Variants in CDKAL1 observed in about 807,000 individuals in gnomAD.
The protein encoded by CDKAL1 is threonylcarbamoyladenosine tRNA methylthiotransferase.
CDKAL1 carries 32 observed loss-of-function variants against 68.2 expected under a neutral mutation model. The ratio of observed to expected loss-of-function variants is 0.47; its 90% CI spans 0.35 to 0.63. The LOEUF is 0.63. Ranked by LOEUF, CDKAL1 falls within the 30% of genes least tolerant of loss-of-function variation. The pLI is 0.00. For synonymous variants in CDKAL1, 234 were observed against 244.3 expected (o/e 0.96, Z 0.39); for missense variants, 606 against 696.7 (o/e 0.87, Z 1.47).
chr6:21,188,248 T>G (rs1778093862), intron 13 of CDKAL1, among the ~76,000 whole-genome samples: 1 of 152,226 alleles, frequency 6.6e-6, no homozygotes, highest in African/African-American at 2.4e-5. Flanking sequence ...AACTTCTCAT[T>G]TATGGCAACA....
chr6:20,687,518 TTTTTC>T (rs1562026171), intron 5 of CDKAL1, among the ~76,000 whole-genome samples: 2 of 152,108 alleles, frequency 1.3e-5, no homozygotes, highest in Non-Finnish European at 2.9e-5. Flanking sequence ...TATCAATCTT[TTTTTC>T]TTTTCTTTGT....
intron 11 of CDKAL1, among the ~76,000 whole-genome samples, chr6:21,054,845 T>C (rs1166463875): frequency 6.6e-6 from 1 of 151,992 alleles, no homozygotes; most frequent in Non-Finnish European, 1.5e-5. Context: ...TCACTTATTC[T>C]AGTAGGCTCA....
At chr6:20,896,052 T>C (rs919231655) in intron 9 of CDKAL1, among the ~76,000 whole-genome samples, 1 of 151,854 alleles carries the variant, frequency 6.6e-6, no homozygotes, top group Non-Finnish European at 1.5e-5. Flanking sequence ...ATTGAAGAGA[T>C]TGGGATTGGA....
At chr6:20,571,482 A>G (rs1764699836) in intron 4 of CDKAL1, among the ~76,000 whole-genome samples, 1 of 152,146 alleles carries the variant, frequency 6.6e-6, no homozygotes, top group Non-Finnish European at 1.5e-5. Context: ...GAGGAAGTGA[A>G]GCAATGTGAA....
chr6:20,961,899 CT>C (rs1437905749), intron 10 of CDKAL1, among the ~76,000 whole-genome samples: 11 of 152,086 alleles, frequency 7.2e-5, no homozygotes, highest in Non-Finnish European at 1.5e-4. Flanking sequence ...ACATGTACCC[CT>C]GAGCCTAAAA....
intron 8 of CDKAL1, among the ~76,000 whole-genome samples, chr6:20,835,473 T>G (rs1777892619): frequency 7.0e-6 from 1 of 142,596 alleles, no homozygotes; most frequent in Admixed American, 7.1e-5. Context: ...TTGCTTTGCT[T>G]TGCTTTGTTT....
chr6:20,969,494 T>C (rs1195579888), intron 10 of CDKAL1, among the ~76,000 whole-genome samples: 1 of 152,198 alleles, frequency 6.6e-6, no homozygotes, highest in Non-Finnish European at 1.5e-5. Context: ...AGAATATCTA[T>C]GTATAAGTGA....
intron 4 of CDKAL1, among the ~76,000 whole-genome samples, chr6:20,646,992 G>A (rs1176788553): frequency 6.6e-6 from 1 of 151,970 alleles, no homozygotes; most frequent in African/African-American, 2.4e-5. Context: ...TGATCCACCC[G>A]CCTCGGCCTC....
intron 5 of CDKAL1, among the ~76,000 whole-genome samples, chr6:20,723,276 G>A (rs80348145): frequency 2.0e-5 from 3 of 149,344 alleles, no homozygotes; most frequent in South Asian, 2.1e-4. Context: ...GCTAACACAC[G>A]CTGTCTGCGG....
intron 15 of CDKAL1, among the ~76,000 whole-genome samples, chr6:21,222,579 A>G (rs1043808606): frequency 2.6e-5 from 4 of 152,226 alleles, no homozygotes; most frequent in Non-Finnish European, 4.4e-5. Context: ...GGGTACAGCT[A>G]CTTATATGAT....
chr6:21,093,020 A>T (rs1773124284), intron 12 of CDKAL1, among the ~76,000 whole-genome samples: 1 of 152,188 alleles, frequency 6.6e-6, no homozygotes, highest in South Asian at 2.1e-4. Flanking sequence ...AAATAATAGG[A>T]ATTCCAAAAC....
intron 5 of CDKAL1, among the ~76,000 whole-genome samples, chr6:20,700,550 A>G (rs939786201): frequency 6.6e-6 from 1 of 152,116 alleles, no homozygotes; most frequent in African/African-American, 2.4e-5. Flanking sequence ...AGAAACTAGA[A>G]CAGAAGTTGC....
intron 5 of CDKAL1, among the ~76,000 whole-genome samples, chr6:20,672,298 C>T (rs1769879429): frequency 9.0e-6 from 1 of 111,504 alleles, no homozygotes; most frequent in Admixed American, 8.3e-5. Context: ...CTCTCTCTCT[C>T]CCTCTCCCTC....
At position 20,548,682 on chromosome 6, in the gene CDKAL1, C is replaced by T. The variant is rs1763699809; in HGVS notation, c.263C>T (p.Ala88Val). The T allele has an allele frequency of 6.5e-7, 1 of 1,533,980 alleles. No individual in the cohort carries two copies. The highest frequency in any genetic ancestry group is 1.4e-5 in the African/African-American group (1 of 72,658). ...GGAGAATATATGGCTGGACAGCTAG[C>T]TGCTTATGGCTATAAAATTACAGGT... is the stretch of plus-strand genomic sequence containing the variant. The part of the protein sequence containing the change: ...SDGEYMAGQL[A>V]AYGYKITENA... Residue 88 changes from alanine (A) to valine (V), a missense_variant, in exon 4 of 16, where the codon GCT becomes GTT. Physicochemically the swap from Ala to Val is moderately conservative, Grantham distance 64 (BLOSUM62 0). Transcript: ENST00000274695.
chr6:20,770,194 C>CT (rs1160146296), intron 7 of CDKAL1, among the ~76,000 whole-genome samples: 1 of 151,608 alleles, frequency 6.6e-6, no homozygotes, highest in African/African-American at 2.4e-5. Flanking sequence ...TCTGAGTATA[C>CT]TGTTTGAGTC....
intron 5 of CDKAL1, among the ~76,000 whole-genome samples, chr6:20,725,282 TA>T (rs1422860817): frequency 6.6e-6 from 1 of 152,252 alleles, no homozygotes; most frequent in Non-Finnish European, 1.5e-5. Flanking sequence ...TTCTTCATAA[TA>T]GGAATATAGA....
rs185678237 is a variant in CDKAL1 at position 20,842,922 on chromosome 6, C to A, written c.639-3153C>A. ...AATTTAACACAGAGTTTTTTGAATTCTTCATGTAATATTCTTAGTTGCTTA... is the reference window on the plus strand; with the variant it reads ...AATTTAACACAGAGTTTTTTGAATTATTCATGTAATATTCTTAGTTGCTTA... On this transcript the variant is annotated intron_variant, in intron 8 of 15. Transcript: ENST00000274695. Among the ~76,000 whole-genome samples, 6 of 152,258 alleles carry A rather than the reference C, an allele frequency of 3.9e-5. No homozygotes were observed. In the East Asian group the frequency reaches 9.6e-4, roughly 24 times the overall value.
chr6:20,576,419 T>C (rs1764907890), intron 4 of CDKAL1, among the ~76,000 whole-genome samples: 1 of 152,220 alleles, frequency 6.6e-6, no homozygotes, highest in Non-Finnish European at 1.5e-5. Flanking sequence ...GGATATGGAA[T>C]AGGAGAACAA....
intron 10 of CDKAL1, among the ~76,000 whole-genome samples, chr6:20,996,111 C>A (rs1767093740): frequency 6.6e-6 from 1 of 152,212 alleles, no homozygotes; most frequent in South Asian, 2.1e-4. Flanking sequence ...TTCAATCAGC[C>A]TTTATAGAAT....
Sources: allele counts gnomAD v4.1 joint callset (sites outside exome capture counted in the v4.1 genomes callset), GRCh38; gene constraint gnomAD v4.1.1; transcripts MANE v1.5; gene names NCBI Gene and HGNC (gene_info 2026-07-23, HGNC 2026-07-21).